The following CDH13 variants were observed in gnomAD, a reference collection of about 807,000 sequenced individuals.
CDH13 encodes the protein cadherin-13.
In CDH13, 24 loss-of-function variants were observed where a neutral mutation model predicts 63.8. The ratio of observed to expected loss-of-function variants is 0.38; its 90% CI spans 0.27 to 0.53. The LOEUF is 0.53. CDH13 is among the 20% of genes least tolerant of loss of function. CDH13 has a pLI of 0.85. For synonymous variants in CDH13, 503 were observed against 355.3 expected (o/e 1.42, Z -4.67); for missense variants, 1,049 against 903.1 (o/e 1.16, Z -2.07).
intron 4 of CDH13, among the ~76,000 whole-genome samples, chr16:83,189,973 G>T (rs140817140): frequency 6.6e-6 from 1 of 152,134 alleles, no homozygotes; most frequent in East Asian, 1.9e-4. Flanking sequence ...CATGTAAGAC[G>T]TGACTTTGCT....
intron 7 of CDH13, among the ~76,000 whole-genome samples, chr16:83,575,492 A>C (rs1333597540): frequency 6.6e-6 from 1 of 152,068 alleles, no homozygotes; most frequent in Non-Finnish European, 1.5e-5. Context: ...CATCTGACCC[A>C]TCTCCATCCA....
chr16:83,099,966 A>C (rs927076478), intron 3 of CDH13, among the ~76,000 whole-genome samples: 7 of 152,162 alleles, frequency 4.6e-5, no homozygotes, highest in African/African-American at 1.7e-4. Flanking sequence ...CCAAGTTAGC[A>C]TGCAGCCTAC....
chr16:82,963,803 C>T (rs2064694624), intron 2 of CDH13, among the ~76,000 whole-genome samples: 1 of 152,124 alleles, frequency 6.6e-6, no homozygotes, highest in Admixed American at 6.5e-5. Context: ...ACGGGAAGCC[C>T]AGGGGAACAG....
At chr16:82,806,269 G>C (rs576618635) in intron 1 of CDH13, among the ~76,000 whole-genome samples, 2 of 152,092 alleles carry the variant, frequency 1.3e-5, no homozygotes, top group Non-Finnish European at 2.9e-5. Context: ...CTTTTTACAT[G>C]TCTGCTATTT....
chr16:83,385,891 T>G (rs1314809571), intron 6 of CDH13, among the ~76,000 whole-genome samples: 1 of 152,224 alleles, frequency 6.6e-6, no homozygotes, highest in Non-Finnish European at 1.5e-5. Context: ...CACCTGGGTC[T>G]GATCCCATCT....
chr16:83,029,926 T>G (rs1425046737), intron 2 of CDH13, among the ~76,000 whole-genome samples: 1 of 152,214 alleles, frequency 6.6e-6, no homozygotes, highest in East Asian at 1.9e-4. Flanking sequence ...CGTAGTACAA[T>G]TCTATGCTTA....
intron 1 of CDH13, among the ~76,000 whole-genome samples, chr16:82,751,051 C>G (rs1420337436): frequency 6.6e-6 from 1 of 152,224 alleles, no homozygotes; most frequent in African/African-American, 2.4e-5. Flanking sequence ...CCTCCTCCTT[C>G]CTGATCTTTC....
chr16:82,807,236 G>A (rs898390572), intron 1 of CDH13, among the ~76,000 whole-genome samples: 1 of 151,960 alleles, frequency 6.6e-6, no homozygotes. Flanking sequence ...TGCTATAATT[G>A]TTTTTATTTG....
intron 6 of CDH13, among the ~76,000 whole-genome samples, chr16:83,413,042 T>C (rs2092150584): frequency 6.6e-6 from 1 of 152,222 alleles, no homozygotes; most frequent in Non-Finnish European, 1.5e-5. Context: ...ACTGTGCACG[T>C]AGAGTTCTGC....
In CDH13 at chr16:83,602,107, C is replaced by CAAAAAAAAAAAAAAAAAAAAAAAAAA. The variant is rs869202510; in HGVS notation, c.961-336_961-311dup. Among the ~76,000 whole-genome samples the CAAAAAAAAAAAAAAAAAAAAAAAAAA allele has an allele frequency of 1.1e-3, 9 of 7,960 alleles. 3 individuals are homozygous for CAAAAAAAAAAAAAAAAAAAAAAAAAA. The highest frequency in any genetic ancestry group is 1.7e-3 in the Non-Finnish European group (9 of 5,368). 5.2% of individuals were successfully genotyped at this position (7,960 alleles called of 152,430 possible). A position where few individuals can be genotyped will look rare whatever the true frequency, so the allele number is the denominator to read the frequency against. On this transcript the variant is annotated intron_variant, in intron 7 of 13. Transcript: ENST00000567109. ...CAAAAAAAAAAAAAAAGAACAACAA[C>CAAAAAAAAAAAAAAAAAAAAAAAAAA]AAAAAAAAAAAAAAAAAAAAAAAAA...
chr16:83,394,484 A>G (rs994752986), intron 6 of CDH13, among the ~76,000 whole-genome samples: 1 of 152,168 alleles, frequency 6.6e-6, no homozygotes. Context: ...GAGGAATTGT[A>G]AGGATGTGGG....
intron 6 of CDH13, among the ~76,000 whole-genome samples, chr16:83,469,485 C>T (rs1229276926): frequency 3.3e-5 from 5 of 152,154 alleles, no homozygotes; most frequent in East Asian, 3.8e-4. Context: ...TATATCTCAG[C>T]GGGGAATAAC....
chr16:83,183,555 C>T (rs771195436), intron 4 of CDH13, among the ~76,000 whole-genome samples: 1 of 152,202 alleles, frequency 6.6e-6, no homozygotes. Flanking sequence ...CTCAATTTTT[C>T]TTCACACATT....
chr16:83,419,582 AG>A (rs1292221865), intron 6 of CDH13, among the ~76,000 whole-genome samples: 1 of 152,180 alleles, frequency 6.6e-6, no homozygotes, highest in African/African-American at 2.4e-5. Flanking sequence ...ACATTTATTG[AG>A]CCAATAATAT....
At chr16:83,165,405 C>G (rs1317512662) in intron 4 of CDH13, among the ~76,000 whole-genome samples, 3 of 152,168 alleles carry the variant, frequency 2.0e-5, no homozygotes, top group Non-Finnish European at 4.4e-5. Context: ...CTCTTCCTTT[C>G]TAATTTGCTT....
chr16:82,998,415 G>T (rs553158560), intron 2 of CDH13, among the ~76,000 whole-genome samples: 14 of 152,164 alleles, frequency 9.2e-5, no homozygotes, highest in Admixed American at 3.3e-4. Context: ...ATTTTGTTTT[G>T]TCCTGTTTTT....
intron 6 of CDH13, among the ~76,000 whole-genome samples, chr16:83,426,509 T>TCTCACA (rs2071899683): frequency 6.8e-6 from 1 of 146,506 alleles, no homozygotes; most frequent in Non-Finnish European, 1.5e-5. Flanking sequence ...ATGGAAACAA[T>TCTCACA]CACACACACA....
At chr16:83,355,585 T>C (rs1014063520) in intron 6 of CDH13, among the ~76,000 whole-genome samples, 4 of 152,216 alleles carry the variant, frequency 2.6e-5, no homozygotes, top group Non-Finnish European at 4.4e-5. Context: ...TTTAAATAAA[T>C]GGTTGTATTT....
chr16:83,335,689 T>C (rs1184376820), intron 5 of CDH13, among the ~76,000 whole-genome samples: 3 of 152,188 alleles, frequency 2.0e-5, no homozygotes, highest in South Asian at 2.1e-4. Flanking sequence ...CGTTATGTTA[T>C]CTATAGGTTA....
Sources: allele counts gnomAD v4.1 joint callset (sites outside exome capture counted in the v4.1 genomes callset), GRCh38; gene constraint gnomAD v4.1.1; transcripts MANE v1.5; gene names NCBI Gene and HGNC (gene_info 2026-07-23, HGNC 2026-07-21).